Variants in SLC2A9 observed in about 807,000 individuals in gnomAD.
SLC2A9 encodes solute carrier family 2 member 9.
SLC2A9 carries 39 observed loss-of-function variants against 50.6 expected under a neutral mutation model. The observed-to-expected ratio is 0.77, with a 90% CI of 0.60 to 1.01. SLC2A9 has a LOEUF of 1.01. Ranked by LOEUF, SLC2A9 falls within the 50% of genes least tolerant of loss-of-function variation. SLC2A9 has a pLI of 0.00. For synonymous variants in SLC2A9, 324 were observed against 276.9 expected, an observed-to-expected ratio of 1.17 and a Z score of -1.69; for missense variants, 686 against 677.6, an observed-to-expected ratio of 1.01 and a Z score of -0.14.
chr4:9,783,212 T>C, intron 3 of SLC2A9: 1 of 1,614,190 alleles, frequency 6.2e-7, no homozygotes, highest in South Asian at 1.1e-5. Flanking sequence ...TGAGCTCATC[T>C]CCTACAACCA....
At chr4:9,817,800 C>T (rs1358490152) in intron 3 of SLC2A9, among the ~76,000 whole-genome samples, 1 of 152,116 alleles carries the variant, frequency 6.6e-6, no homozygotes, top group Non-Finnish European at 1.5e-5. Flanking sequence ...ATCTCAGCCC[C>T]CTAATCTCTC....
chr4:9,775,227 T>A (rs1717393159), downstream of SLC2A9, among the ~76,000 whole-genome samples: 1 of 152,206 alleles, frequency 6.6e-6, no homozygotes, highest in Non-Finnish European at 1.5e-5. Flanking sequence ...CCTCTCCACA[T>A]GACCCTCACT....
chr4:9,783,819 G>C (rs1718853517), intron 3 of SLC2A9: 1 of 221,900 alleles, frequency 4.5e-6, no homozygotes, highest in Non-Finnish European at 9.7e-6. Flanking sequence ...GTTTGTGTTT[G>C]AATTGATTTT....
At chr4:9,801,047 G>A (rs539273778) in intron 3 of SLC2A9, among the ~76,000 whole-genome samples, 7 of 152,212 alleles carry the variant, frequency 4.6e-5, no homozygotes, top group East Asian at 1.9e-4. Context: ...GCAGACTGGT[G>A]TTGGCTGCTT....
At chr4:9,786,473 T>G (rs1476870316) in intron 3 of SLC2A9, among the ~76,000 whole-genome samples, 1 of 152,202 alleles carries the variant, frequency 6.6e-6, no homozygotes, top group Non-Finnish European at 1.5e-5. Flanking sequence ...ACTGAAATAG[T>G]TAATTGATTC....
rs7442295 is a variant in SLC2A9 at position 9,964,756 on chromosome 4, A to G, written c.681+15836T>C. ...CAAACACTTAGGGTCTGGATGAGAAAAATATGAGGCTGCAAAGGACTGTTT... is the reference window on the plus strand; with the variant it reads ...CAAACACTTAGGGTCTGGATGAGAAGAATATGAGGCTGCAAAGGACTGTTT... On this transcript the variant is annotated intron_variant, in intron 5 of 11. Coordinates refer to ENST00000264784, the MANE Select transcript of SLC2A9 (RefSeq NM_020041.3). Among the ~76,000 whole-genome samples, 41,787 of 152,134 alleles carry G rather than the reference A, an allele frequency of 0.27. 6,441 individuals are homozygous for G. The highest frequency in any genetic ancestry group is 0.4 in the African/African-American group (16,682 of 41,484).
intron 3 of SLC2A9, chr4:9,781,967 G>C: frequency 7.4e-7 from 1 of 1,348,344 alleles, no homozygotes; most frequent in Non-Finnish European, 9.7e-7. Context: ...CGATGGGGCT[G>C]CCTGGGGGTC....
chr4:9,991,674 A>C (rs1288659781), intron 3 of SLC2A9, among the ~76,000 whole-genome samples: 1 of 152,198 alleles, frequency 6.6e-6, no homozygotes, highest in Non-Finnish European at 1.5e-5. Context: ...AAATGAGGTC[A>C]CAAGGAAGCG....
intron 10 of SLC2A9, among the ~76,000 whole-genome samples, chr4:9,875,521 T>C (rs1318453445): frequency 6.6e-6 from 1 of 152,234 alleles, no homozygotes; most frequent in Non-Finnish European, 1.5e-5. Context: ...CTAGGTAACC[T>C]GACATCCATT....
chr4:10,020,692 C>A (rs1002730808), intron 1 of SLC2A9, among the ~76,000 whole-genome samples: 1 of 152,200 alleles, frequency 6.6e-6, no homozygotes. Flanking sequence ...TGCTGGGCAT[C>A]GTTTCTGTGC....
intron 1 of SLC2A9, among the ~76,000 whole-genome samples, chr4:10,032,006 G>A (rs561883549): frequency 4.3e-4 from 66 of 152,276 alleles, no homozygotes; most frequent in Middle Eastern, 3.4e-3. Flanking sequence ...TCATTCATGC[G>A]TTCACTTATT....
intron 7 of SLC2A9, among the ~76,000 whole-genome samples, chr4:9,913,469 C>G (rs767025860): frequency 6.6e-6 from 1 of 152,114 alleles, no homozygotes; most frequent in Non-Finnish European, 1.5e-5. Flanking sequence ...TCTTGAAGTA[C>G]AGAAGACAGA....
chr4:9,962,527 C>T (rs770782979), intron 5 of SLC2A9, among the ~76,000 whole-genome samples: 12 of 152,050 alleles, frequency 7.9e-5, no homozygotes, highest in South Asian at 4.2e-4. Flanking sequence ...TGAGAACACA[C>T]GGACACAGTG....
At chr4:9,853,504 A>T (rs373124794) in intron 10 of SLC2A9, among the ~76,000 whole-genome samples, 3 of 152,208 alleles carry the variant, frequency 2.0e-5, no homozygotes, top group East Asian at 3.9e-4. Context: ...TCATAAAACA[A>T]GTTCTTAGAG....
At chr4:9,906,002 C>T (rs749230340) in intron 8 of SLC2A9, among the ~76,000 whole-genome samples, 1 of 152,194 alleles carries the variant, frequency 6.6e-6, no homozygotes, top group Non-Finnish European at 1.5e-5. Context: ...CAAGGATGTC[C>T]ATCGTAGCCT....
chr4:10,002,146 C>T (rs1229727009), intron 2 of SLC2A9, among the ~76,000 whole-genome samples: 1 of 152,162 alleles, frequency 6.6e-6, no homozygotes, highest in East Asian at 1.9e-4. Context: ...GCAGCGGAGC[C>T]CATAGGACCA....
At chr4:9,906,212 AC>A (rs1740634178) in intron 8 of SLC2A9, among the ~76,000 whole-genome samples, 1 of 152,128 alleles carries the variant, frequency 6.6e-6, no homozygotes, top group African/African-American at 2.4e-5. Flanking sequence ...TGAATAACTT[AC>A]TTGGGGGTCA....
intron 2 of SLC2A9, among the ~76,000 whole-genome samples, chr4:10,018,589 T>TAGATAAAC (rs1553915108): frequency 6.4e-4 from 97 of 151,126 alleles, no homozygotes; most frequent in African/African-American, 2.0e-3. Context: ...GATAGATAGA[T>TAGATAAAC]AACAACAACA....
rs1435422767 is a variant in SLC2A9 at position 9,826,310 on chromosome 4, T to C, written c.*87A>G. The C allele has an allele frequency of 1.5e-6, 2 of 1,373,514 alleles. No homozygotes were observed. Among genetic ancestry groups the C allele is most frequent in the East Asian group, 2.3e-5 (1 of 43,726 alleles). 85.1% of individuals were successfully genotyped at this position (1,373,514 alleles called of 1,614,324 possible). On this transcript the variant is annotated 3_prime_UTR_variant, in exon 12 of 12. Transcript: ENST00000264784. ...TTCATTTAAGCTTCCCAATAATGGG[T>C]AAATTTTAAGTTTCCTGAAAAGTGA...
Sources: allele counts gnomAD v4.1 joint callset (sites outside exome capture counted in the v4.1 genomes callset), GRCh38; gene constraint gnomAD v4.1.1; transcripts MANE v1.5; gene names NCBI Gene and HGNC (gene_info 2026-07-23, HGNC 2026-07-21).